Variants in SLC41A2 observed in about 807,000 individuals in gnomAD.
The protein encoded by SLC41A2 is SLC41A1-like 1.
SLC41A2 carries 32 observed loss-of-function variants against 58.3 expected under a neutral mutation model. The ratio of observed to expected loss-of-function variants is 0.55; its 90% confidence interval spans 0.41 to 0.74. The LOEUF is 0.74. Ranked by LOEUF, SLC41A2 falls within the 30% of genes least tolerant of loss-of-function variation. The probability of loss-of-function intolerance (pLI) is 0.00; values close to 1 mark genes in which losing one functional copy is unlikely to be tolerated. For synonymous variants in SLC41A2, 190 were observed against 235.0 expected, an observed-to-expected ratio of 0.81 and a Z score of 1.75; for missense variants, 514 against 680.6, an observed-to-expected ratio of 0.76 and a Z score of 2.72.
At chr12:104,954,859 T>G (rs2048091361) in intron 1 of SLC41A2, among the ~76,000 whole-genome samples, 2 of 152,138 alleles carry the variant, frequency 1.3e-5, no homozygotes, top group Admixed American at 1.3e-4. Context: ...AATTGGGAAG[T>G]GTACTTTCCA....
At chr12:104,899,953 T>C (rs2045481057) in intron 3 of SLC41A2, among the ~76,000 whole-genome samples, 2 of 152,186 alleles carry the variant, frequency 1.3e-5, no homozygotes, top group Admixed American at 6.5e-5. Flanking sequence ...CCTATGTAAA[T>C]GCACTTTAGT....
chr12:104,942,027 G>A (rs2047529472), intron 1 of SLC41A2, among the ~76,000 whole-genome samples: 1 of 152,080 alleles, frequency 6.6e-6, no homozygotes, highest in African/African-American at 2.4e-5. Context: ...TAGATGGATG[G>A]CAAACAAGGT....
chr12:104,824,619 CT>C (rs776422668), intron 10 of SLC41A2, among the ~76,000 whole-genome samples: 29 of 152,288 alleles, frequency 1.9e-4, no homozygotes, highest in Non-Finnish European at 4.0e-4. Context: ...AGGCAGGAGT[CT>C]AATTGAGCTA....
chr12:104,927,408 T>A (rs1490476394), intron 2 of SLC41A2, among the ~76,000 whole-genome samples: 3 of 152,140 alleles, frequency 2.0e-5, no homozygotes, highest in Non-Finnish European at 4.4e-5. Flanking sequence ...TTTGGAGAGA[T>A]GTATTATTAA....
chr12:104,824,578 A>G (rs2041769503), intron 10 of SLC41A2, among the ~76,000 whole-genome samples: 2 of 152,232 alleles, frequency 1.3e-5, no homozygotes, highest in African/African-American at 2.4e-5. Context: ...ACAAGAACCC[A>G]GGATACAGAA....
chr12:104,807,904 C>T (rs373783023), intron 10 of SLC41A2, among the ~76,000 whole-genome samples: 3 of 152,148 alleles, frequency 2.0e-5, no homozygotes, highest in Non-Finnish European at 4.4e-5. Flanking sequence ...GTGATTTTTG[C>T]ACATTGATTT....
chr12:104,867,977 T>C (rs527559511), intron 6 of SLC41A2, among the ~76,000 whole-genome samples: 75 of 149,934 alleles, frequency 5.0e-4, no homozygotes, highest in African/African-American at 1.7e-3. Context: ...TATTAAAATA[T>C]AGCTAAACAA....
At chr12:104,860,020 G>A (rs1398234198) in intron 8 of SLC41A2, among the ~76,000 whole-genome samples, 1 of 152,112 alleles carries the variant, frequency 6.6e-6, no homozygotes, top group African/African-American at 2.4e-5. Context: ...TGGGATTACA[G>A]GGATGAGCCA....
At chr12:104,957,405 G>C (rs2048207693) in intron 1 of SLC41A2, among the ~76,000 whole-genome samples, 1 of 152,138 alleles carries the variant, frequency 6.6e-6, no homozygotes, top group Admixed American at 6.5e-5. Flanking sequence ...TACTAAGAGA[G>C]ACAGGGTTTC....
intron 2 of SLC41A2, among the ~76,000 whole-genome samples, chr12:104,920,653 G>A (rs112058718): frequency 2.5e-4 from 38 of 152,052 alleles, no homozygotes; most frequent in African/African-American, 8.2e-4. Context: ...GGCTGGGCGT[G>A]GTGGCTCACA....
At chr12:104,877,156 A>T (rs576222017) in intron 6 of SLC41A2, among the ~76,000 whole-genome samples, 2 of 152,316 alleles carry the variant, frequency 1.3e-5, no homozygotes, top group East Asian at 3.9e-4. Context: ...CAGGAAATAA[A>T]CTTGAACTAT....
chr12:104,882,004 T>C (rs1471304993), intron 6 of SLC41A2, among the ~76,000 whole-genome samples: 1 of 152,226 alleles, frequency 6.6e-6, no homozygotes, highest in Non-Finnish European at 1.5e-5. Flanking sequence ...TGCTCCTGTA[T>C]TGGGTGCATA....
intron 2 of SLC41A2, among the ~76,000 whole-genome samples, chr12:104,918,175 G>A (rs2046418719): frequency 1.3e-5 from 2 of 151,822 alleles, no homozygotes; most frequent in Non-Finnish European, 2.9e-5. Context: ...AAGGACATAG[G>A]CACTCTTTTG....
chr12:104,813,093 C>T (rs966627186), intron 10 of SLC41A2, among the ~76,000 whole-genome samples: 11 of 152,098 alleles, frequency 7.2e-5, no homozygotes, highest in African/African-American at 1.4e-4. Context: ...GCAGGAGAAT[C>T]GCTTGAACCC....
At chr12:104,925,671 A>AC (rs2046808622) in intron 2 of SLC41A2, among the ~76,000 whole-genome samples, 2 of 152,330 alleles carry the variant, frequency 1.3e-5, no homozygotes, top group Admixed American at 6.5e-5. Flanking sequence ...CATAAAAGGA[A>AC]CTTTTTCCAA....
At chr12:104,851,564 T>A (rs967707115) in intron 8 of SLC41A2, among the ~76,000 whole-genome samples, 11 of 151,936 alleles carry the variant, frequency 7.2e-5, no homozygotes, top group African/African-American at 2.7e-4. Flanking sequence ...TAAAAAAAAT[T>A]TTTTTTAGAG....
At chr12:104,922,813 T>A (rs1052983355) in intron 2 of SLC41A2, among the ~76,000 whole-genome samples, 1 of 152,114 alleles carries the variant, frequency 6.6e-6, no homozygotes, top group Non-Finnish European at 1.5e-5. Context: ...AAAAAGTAGA[T>A]ATCAGATCAA....
rs866598358 is a variant in SLC41A2, at chr12:104,880,406, G to C, written c.1027+5887C>G. On this transcript the variant is annotated intron_variant, in intron 6 of 10. Coordinates refer to ENST00000258538, the MANE Select transcript of SLC41A2 (RefSeq NM_001352171.3). Reference sequence around the variant, plus strand: ...CCTGTCTTGTCACACTTTTCAAAGGGAATGTTTCCAGTTTTTGCCCATTCA... The same window carrying C: ...CCTGTCTTGTCACACTTTTCAAAGGCAATGTTTCCAGTTTTTGCCCATTCA... Among the ~76,000 whole-genome samples the C allele has an allele frequency of 4.6e-5, 7 of 152,282 alleles. No homozygotes were observed. In the South Asian group the frequency reaches 8.3e-4, roughly 18 times the overall value.
chr12:104,877,490 CAA>C (rs781725244), intron 6 of SLC41A2, among the ~76,000 whole-genome samples: 3 of 152,160 alleles, frequency 2.0e-5, no homozygotes, highest in Non-Finnish European at 2.9e-5. Context: ...TTTCAGAAGA[CAA>C]AGATTAGAAA....
Sources: gnomAD v4.1 joint callset for allele counts (sites outside exome capture counted in the v4.1 genomes callset) on GRCh38, gnomAD v4.1.1 for gene constraint, MANE v1.5 for transcripts, NCBI Gene and HGNC (gene_info 2026-07-23, HGNC 2026-07-21) for gene names.